Variants in PTGER3 observed in about 807,000 individuals in gnomAD.
PTGER3 encodes the protein prostaglandin E receptor 3, also known as prostaglandin E2 receptor EP3 subtype.
Under a neutral mutation model 34.7 loss-of-function variants are expected in PTGER3, and 22 were observed. The observed-to-expected ratio is 0.63, with a 90% confidence interval of 0.45 to 0.91. The LOEUF (loss-of-function observed/expected upper bound fraction) is 0.91, where lower values mean the gene tolerates loss of function less well. Ranked by LOEUF, PTGER3 falls within the 40% of genes least tolerant of loss-of-function variation. The probability of loss-of-function intolerance (pLI) is 0.00; values close to 1 mark genes in which losing one functional copy is unlikely to be tolerated. For synonymous variants in PTGER3, 241 were observed against 230.1 expected (o/e 1.05, Z -0.43); for missense variants, 468 against 519.4 (o/e 0.90, Z 0.96).
At chr1:71,005,380 T>A (rs1316965500) in intron 2 of PTGER3, among the ~76,000 whole-genome samples, 2 of 152,216 alleles carry the variant, frequency 1.3e-5, no homozygotes, top group African/African-American at 4.8e-5. Context: ...ACAATGTCCT[T>A]CCTTTACAGG....
intron 4 of PTGER3, chr1:70,886,131 T>G (rs1572550572): frequency 1.1e-5 from 3 of 261,966 alleles, no homozygotes; most frequent in Non-Finnish European, 2.4e-5. Context: ...GGGAGATAAC[T>G]GGGTCATGAA....
At chr1:70,941,454 C>T (rs753139804) in intron 4 of PTGER3, among the ~76,000 whole-genome samples, 5 of 152,128 alleles carry the variant, frequency 3.3e-5, no homozygotes, top group Non-Finnish European at 5.9e-5. Flanking sequence ...ATTCCAATTA[C>T]ATTTTGTCAC....
chr1:71,045,056 A>G (rs1660639512), intron 1 of PTGER3, among the ~76,000 whole-genome samples: 1 of 152,162 alleles, frequency 6.6e-6, no homozygotes, highest in Non-Finnish European at 1.5e-5. Context: ...GCTGGTTTTG[A>G]TAAGCCATAG....
Position 71,012,358 on chromosome 1 carries a change from C to T in PTGER3, c.1024G>A (p.Asp342Asn). ...CTTAACAGCAGGTAAACCCAAGGAT[C>T]CAAGATCTGGTTCAGTGAAGCCAGG... Reference protein sequence around the residue: ...VRLASLNQILDPWVYLLLRKI... With the variant: ...VRLASLNQILNPWVYLLLRKI... Residue 342 changes from aspartate to asparagine, a missense_variant, in exon 2 of 4, where the codon GAT becomes AAT. Asp to Asn is a conservative substitution (Grantham distance 23). Coordinates refer to ENST00000306666, the MANE Select transcript of PTGER3 (RefSeq NM_198719.2). 12 of 1,614,146 alleles carry T rather than the reference C, an allele frequency of 7.4e-6. No homozygotes were observed. The highest frequency in any genetic ancestry group is 1.0e-5 in the Non-Finnish European group (12 of 1,180,026).
intron 4 of PTGER3, among the ~76,000 whole-genome samples, chr1:70,918,542 A>T (rs1647262116): frequency 6.6e-6 from 1 of 152,012 alleles, no homozygotes; most frequent in Non-Finnish European, 1.5e-5. Flanking sequence ...AGAGCATCTT[A>T]ATCAAGGCAA....
At chr1:71,026,770 TTAGA>T (rs1445816245) in intron 1 of PTGER3, among the ~76,000 whole-genome samples, 3 of 152,226 alleles carry the variant, frequency 2.0e-5, no homozygotes, top group Middle Eastern at 3.4e-3. Context: ...TAAGAATAAA[TTAGA>T]TAGACGGTAA....
At chr1:71,044,216 C>A (rs970257472) in intron 1 of PTGER3, among the ~76,000 whole-genome samples, 1 of 151,494 alleles carries the variant, frequency 6.6e-6, no homozygotes, top group African/African-American at 2.4e-5. Flanking sequence ...GTGGGCGGAT[C>A]ACCTCAGGTC....
intron 4 of PTGER3, among the ~76,000 whole-genome samples, chr1:70,931,688 G>A (rs1648712805): frequency 1.3e-5 from 2 of 152,170 alleles, no homozygotes; most frequent in African/African-American, 4.8e-5. Flanking sequence ...TTTAGCAATG[G>A]CTGGAACAGC....
chr1:71,047,497 G>C lies in PTGER3; in HGVS notation c.81C>G (p.Pro27=). Residue 27 remains proline (P), a synonymous_variant, in exon 1 of 4, where the codon CCC becomes CCG. Transcript: ENST00000306666. ...LNHSYTGMWA[P]ERSAEARGNL... is the part of the protein sequence containing the mutation. The stretch of plus-strand genomic sequence containing the variant: ...TGCCCCGCGCCTCGGCGGAACGCTC[G>C]GGCGCCCACATGCCTGTGTAGGAGT... 6.2e-7 allele frequency: 1 copy of C among 1,604,818 alleles called. No individual in the cohort carries two copies. The highest frequency in any genetic ancestry group is 1.7e-4 in the Middle Eastern group (1 of 6,048).
intron 4 of PTGER3, among the ~76,000 whole-genome samples, chr1:70,900,434 G>T (rs1197203660): frequency 6.6e-6 from 1 of 152,110 alleles, no homozygotes; most frequent in African/African-American, 2.4e-5. Context: ...AGTGCTTCTG[G>T]CTCTGAGTGA....
At chr1:70,981,388 TTTCTTTC>T (rs1654336213) in intron 2 of PTGER3, among the ~76,000 whole-genome samples, 2 of 40,080 alleles carry the variant, frequency 5.0e-5, no homozygotes, top group African/African-American at 2.4e-4. Flanking sequence ...TCTTTCTTTC[TTTCTTTC>T]CTTCCTTCCT....
chr1:70,989,230 A>T (rs1341267393), intron 2 of PTGER3, among the ~76,000 whole-genome samples: 1 of 152,180 alleles, frequency 6.6e-6, no homozygotes, highest in Non-Finnish European at 1.5e-5. Context: ...AAGTTGCTTA[A>T]ATTTTATAAA....
At chr1:71,039,145 C>G (rs1369991476) in intron 1 of PTGER3, among the ~76,000 whole-genome samples, 1 of 152,126 alleles carries the variant, frequency 6.6e-6, no homozygotes, top group Non-Finnish European at 1.5e-5. Context: ...TCCTCCCCTT[C>G]TCAGGGCCAT....
chr1:71,023,125 C>G (rs1010332642), intron 1 of PTGER3, among the ~76,000 whole-genome samples: 2 of 151,828 alleles, frequency 1.3e-5, no homozygotes, highest in African/African-American at 4.9e-5. Flanking sequence ...ACCCTCCTTA[C>G]CTTTAAACTT....
intron 3 of PTGER3, among the ~76,000 whole-genome samples, chr1:70,973,442 C>T (rs960370041): frequency 1.4e-4 from 22 of 152,040 alleles, no homozygotes; most frequent in African/African-American, 5.3e-4. Flanking sequence ...TTCATCTCTT[C>T]CTCTGAAAAA....
chr1:70,930,197 G>C (rs1648547613), intron 4 of PTGER3, among the ~76,000 whole-genome samples: 1 of 152,126 alleles, frequency 6.6e-6, no homozygotes, highest in African/African-American at 2.4e-5. Flanking sequence ...GTGTGGGACT[G>C]GGAACAAGAG....
At chr1:70,898,201 A>T (rs1646763268) in intron 4 of PTGER3, among the ~76,000 whole-genome samples, 1 of 152,176 alleles carries the variant, frequency 6.6e-6, no homozygotes, top group African/African-American at 2.4e-5. Context: ...CTTCTCCTAC[A>T]TCCCTGCTGG....
At chr1:71,046,552 G>T in intron 1 of PTGER3, 129 bp downstream of exon 1, 1 of 1,165,908 alleles carries the variant, frequency 8.6e-7, no homozygotes, top group Non-Finnish European at 1.2e-6. Context: ...CGCGCGGGCA[G>T]GAGGAAAGGA....
intron 4 of PTGER3, among the ~76,000 whole-genome samples, chr1:70,867,560 A>C (rs144173165): frequency 0.023 from 3,484 of 152,128 alleles, 126 homozygotes; most frequent in African/African-American, 0.079. Flanking sequence ...ATCTCTACTA[A>C]AAATACAAAA....
Sources: gnomAD v4.1 joint callset for allele counts (sites outside exome capture counted in the v4.1 genomes callset) on GRCh38, gnomAD v4.1.1 for gene constraint, MANE v1.5 for transcripts, NCBI Gene and HGNC (gene_info 2026-07-23, HGNC 2026-07-21) for gene names.